Variants in FBXL17 observed in about 807,000 individuals in gnomAD.
The protein encoded by FBXL17 is F-box and leucine rich repeat protein 17.
FBXL17 carries 22 observed loss-of-function variants against 66.2 expected under a neutral mutation model. That is an observed-to-expected ratio of 0.33 (90% CI 0.24 to 0.47). The LOEUF (loss-of-function observed/expected upper bound fraction) is 0.47. FBXL17 is among the 20% of genes least tolerant of loss of function. FBXL17 has a pLI of 1.00. For synonymous variants in FBXL17, 474 were observed against 400.5 expected (o/e 1.18, Z -2.19); for missense variants, 878 against 948.2 (o/e 0.93, Z 0.97).
intron 7 of FBXL17, among the ~76,000 whole-genome samples, chr5:107,882,897 C>G (rs1355338504): frequency 2.0e-5 from 3 of 152,276 alleles, no homozygotes; most frequent in Middle Eastern, 6.8e-3. Flanking sequence ...GAGGCTAGAA[C>G]ACGAAAGCCC....
intron 7 of FBXL17, among the ~76,000 whole-genome samples, chr5:107,997,703 C>T (rs1014782166): frequency 5.9e-5 from 9 of 152,002 alleles, no homozygotes; most frequent in African/African-American, 1.5e-4. Flanking sequence ...TTTATAAACG[C>T]GACTGAGGCT....
intron 7 of FBXL17, among the ~76,000 whole-genome samples, chr5:107,933,718 C>G (rs931347979): frequency 2.0e-5 from 3 of 152,066 alleles, no homozygotes; most frequent in African/African-American, 7.2e-5. Flanking sequence ...GCCATTCCTC[C>G]TTTTGCAAAG....
At position 108,069,250 on chromosome 5, in the gene FBXL17, CTAAA is replaced by C. The variant is rs560467193; in HGVS notation, c.1746-48253_1746-48250del. Reference sequence around the variant, plus strand: ...ACCATAATATCATTTGTTTTCCCCTCTAAATAAGTGGCACTGTATTGAAAAGGTG... The same window carrying C: ...ACCATAATATCATTTGTTTTCCCCTCTAAGTGGCACTGTATTGAAAAGGTG... On this transcript the variant is annotated intron_variant, in intron 6 of 8. Transcript: ENST00000542267. Among the ~76,000 whole-genome samples, 313 of 152,254 alleles carry C rather than the reference CTAAA, an allele frequency of 2.1e-3. 2 individuals carry two copies. Among genetic ancestry groups the C allele is most frequent in the African/African-American group, 7.0e-3 (291 of 41,538 alleles).
At chr5:108,009,080 G>T (rs1754045027) in intron 7 of FBXL17, among the ~76,000 whole-genome samples, 1 of 149,362 alleles carries the variant, frequency 6.7e-6, no homozygotes, top group Non-Finnish European at 1.5e-5. Flanking sequence ...ACAGTACATA[G>T]CTAGTTTTCC....
intron 7 of FBXL17, among the ~76,000 whole-genome samples, chr5:108,008,728 C>T (rs1386840007): frequency 6.6e-6 from 1 of 151,976 alleles, no homozygotes; most frequent in Non-Finnish European, 1.5e-5. Flanking sequence ...TGAGTTGCTC[C>T]CTATACAAGT....
At chr5:107,879,529 C>T in intron 8 of FBXL17, 1 of 985,390 alleles carries the variant, frequency 1.0e-6, no homozygotes. Context: ...AATAACATTT[C>T]TCTAAACATA....
chr5:107,916,742 T>C (rs1213675138), intron 7 of FBXL17, among the ~76,000 whole-genome samples: 1 of 152,180 alleles, frequency 6.6e-6, no homozygotes, highest in Non-Finnish European at 1.5e-5. Flanking sequence ...GCTATTTAAC[T>C]AAAGAATATT....
chr5:107,980,104 G>C (rs1343885845), intron 7 of FBXL17, among the ~76,000 whole-genome samples: 2 of 152,104 alleles, frequency 1.3e-5, no homozygotes, highest in Admixed American at 6.5e-5. Context: ...GAGCTAAAAA[G>C]ACCTTAAACT....
chr5:108,317,327 GTT>G (rs576756999), intron 4 of FBXL17, among the ~76,000 whole-genome samples: 61 of 147,872 alleles, frequency 4.1e-4, no homozygotes, highest in African/African-American at 1.5e-3. Flanking sequence ...TTTGTTTTTT[GTT>G]TTTTGTTTTT....
At chr5:108,140,285 A>C (rs867964550) in intron 6 of FBXL17, among the ~76,000 whole-genome samples, 3 of 152,046 alleles carry the variant, frequency 2.0e-5, no homozygotes, top group Non-Finnish European at 4.4e-5. Flanking sequence ...GGGTCAAGTG[A>C]CCCACCTGCC....
intron 6 of FBXL17, among the ~76,000 whole-genome samples, chr5:108,180,826 A>G (rs1752972316): frequency 6.6e-6 from 1 of 152,074 alleles, no homozygotes; most frequent in South Asian, 2.1e-4. Flanking sequence ...TTGTTCTCCT[A>G]ATTCATGAGC....
At position 108,155,977 on chromosome 5, in the gene FBXL17, C is replaced by T. The variant is rs377761526; in HGVS notation, c.1745+30140G>A. ...TAGAGTACTATAAATAAAAAGGCTA[C>T]CTTTTGCTGGAAAAAAAGACACTAA... On this transcript the variant is annotated intron_variant, in intron 6 of 8. Transcript: ENST00000542267. 2.4e-4 allele frequency among the ~76,000 whole-genome samples: 37 copies of T among 152,112 alleles called. No individual in the cohort carries two copies. In the South Asian group the frequency reaches 7.5e-3, roughly 31 times the overall value.
chr5:107,867,911 A>C (rs1748331084), intron 8 of FBXL17, among the ~76,000 whole-genome samples: 1 of 152,232 alleles, frequency 6.6e-6, no homozygotes, highest in African/African-American at 2.4e-5. Flanking sequence ...TTCGTGTGTT[A>C]AGAGACAATC....
intron 7 of FBXL17, among the ~76,000 whole-genome samples, chr5:107,907,917 C>T (rs1580702471): frequency 6.6e-6 from 1 of 152,120 alleles, no homozygotes; most frequent in African/African-American, 2.4e-5. Context: ...ACTAGAAATA[C>T]CATTTGACCC....
intron 4 of FBXL17, among the ~76,000 whole-genome samples, chr5:108,317,899 A>C (rs1462977646): frequency 6.6e-6 from 1 of 151,558 alleles, no homozygotes; most frequent in Non-Finnish European, 1.5e-5. Flanking sequence ...TAAATAATCA[A>C]ATGAAGCTAC....
intron 7 of FBXL17, among the ~76,000 whole-genome samples, chr5:108,016,475 G>T (rs1222167639): frequency 6.6e-6 from 1 of 152,150 alleles, no homozygotes; most frequent in Admixed American, 6.5e-5. Flanking sequence ...TATTTCTAGG[G>T]CCCACAGGAG....
intron 6 of FBXL17, among the ~76,000 whole-genome samples, chr5:108,047,547 T>C (rs901765382): frequency 6.6e-6 from 1 of 152,192 alleles, no homozygotes; most frequent in Non-Finnish European, 1.5e-5. Flanking sequence ...CTAAGCTCCC[T>C]GGGTGGGGGA....
intron 6 of FBXL17, among the ~76,000 whole-genome samples, chr5:108,119,559 A>G (rs891034803): frequency 1.3e-5 from 2 of 152,204 alleles, no homozygotes; most frequent in Non-Finnish European, 1.5e-5. Context: ...AACTCAATGA[A>G]GAAAGTTCTG....
chr5:108,129,504 T>C (rs1373013511), intron 6 of FBXL17, among the ~76,000 whole-genome samples: 1 of 152,076 alleles, frequency 6.6e-6, no homozygotes. Context: ...TAGAATCAAA[T>C]AGGCTCCCAT....
Sources: allele counts gnomAD v4.1 joint callset (sites outside exome capture counted in the v4.1 genomes callset), GRCh38; gene constraint gnomAD v4.1.1; transcripts MANE v1.5; gene names NCBI Gene and HGNC (gene_info 2026-07-23, HGNC 2026-07-21).